MAST2: variants seen among roughly 807,000 people sequenced by gnomAD.
MAST2 encodes microtubule-associated serine/threonine-protein kinase 2.
In MAST2, 70 loss-of-function variants were observed where a neutral mutation model predicts 147.4. The ratio of observed to expected loss-of-function variants is 0.47; its 90% CI spans 0.39 to 0.58. The LOEUF is 0.58. MAST2 is among the 20% of genes least tolerant of loss of function. The probability of loss-of-function intolerance (pLI) is 0.00; values close to 1 mark genes in which losing one functional copy is unlikely to be tolerated. For missense variants in MAST2, 2,080 were observed against 2,302.3 expected, an observed-to-expected ratio of 0.90 and a Z score of 1.98; for synonymous variants, 869 against 896.8, an observed-to-expected ratio of 0.97 and a Z score of 0.55.
chr1:45,957,907 A>G (rs1475292586), intron 4 of MAST2, among the ~76,000 whole-genome samples: 1 of 152,112 alleles, frequency 6.6e-6, no homozygotes, highest in Non-Finnish European at 1.5e-5. Context: ...AAGGGTTGGG[A>G]TTTCGCCAGG....
At position 46,010,952 on chromosome 1, in the gene MAST2, G is replaced by C. The variant is rs1231756225; in HGVS notation, c.1188+13G>C. 3 of 1,609,718 alleles carry C rather than the reference G, an allele frequency of 1.9e-6. No individual in the cohort carries two copies. Among genetic ancestry groups the C allele is most frequent in the Non-Finnish European group, 2.6e-6 (3 of 1,176,356 alleles). On this transcript the variant is annotated intron_variant, in intron 10 of 28. Coordinates refer to ENST00000361297, the MANE Select transcript of MAST2 (RefSeq NM_015112.3). ...ACTTTTACAAGATGTGAGTGTCCTT[G>C]TGCTGGGGTTCTGAAAAAACCTCCA...
intron 5 of MAST2, among the ~76,000 whole-genome samples, chr1:45,977,694 G>T (rs1253883154): frequency 6.6e-6 from 1 of 151,842 alleles, no homozygotes; most frequent in Non-Finnish European, 1.5e-5. Context: ...CAGCTACTCG[G>T]GAGGCTGAGG....
At chr1:45,875,223 A>T (rs368098989) in intron 3 of MAST2, among the ~76,000 whole-genome samples, 1 of 152,210 alleles carries the variant, frequency 6.6e-6, no homozygotes, top group Admixed American at 6.5e-5. Flanking sequence ...AGGTAGGTGG[A>T]TCACCTGGGG....
chr1:45,965,090 G>T (rs1365727255), intron 5 of MAST2, among the ~76,000 whole-genome samples: 6 of 152,136 alleles, frequency 3.9e-5, no homozygotes, highest in African/African-American at 1.4e-4. Context: ...GAGACAGTTT[G>T]TTACAATTTC....
chr1:45,978,990 C>T (rs1040910577), intron 5 of MAST2, among the ~76,000 whole-genome samples: 1 of 152,244 alleles, frequency 6.6e-6, no homozygotes, highest in East Asian at 1.9e-4. Flanking sequence ...AAACTGCACA[C>T]TTAAGGGTAA....
chr1:45,956,760 C>G (rs534113176), intron 4 of MAST2, among the ~76,000 whole-genome samples: 4 of 152,296 alleles, frequency 2.6e-5, no homozygotes, highest in African/African-American at 9.6e-5. Flanking sequence ...GGTGGATACA[C>G]CCATCAGCCA....
At position 45,972,127 on chromosome 1, in the gene MAST2, A is replaced by G. The variant is rs142301084; in HGVS notation, c.592+12650A>G. Among the ~76,000 whole-genome samples the G allele has an allele frequency of 4.3e-3, 661 of 152,342 alleles. 5 individuals are homozygous for G. Among genetic ancestry groups the G allele is most frequent in the African/African-American group, 0.015 (617 of 41,572 alleles). Reference sequence around the variant, plus strand: ...TAAGATCGTAATAATGCCAGCCGTCAGTAGGAGTCCACAGACCTCGGCCCA... The same window carrying G: ...TAAGATCGTAATAATGCCAGCCGTCGGTAGGAGTCCACAGACCTCGGCCCA... On this transcript the variant is annotated intron_variant, in intron 5 of 28. Transcript: ENST00000361297.
intron 4 of MAST2, among the ~76,000 whole-genome samples, chr1:45,899,436 G>A (rs918673913): frequency 1.1e-4 from 17 of 150,170 alleles, no homozygotes; most frequent in African/African-American, 4.9e-5. Flanking sequence ...TACTCAATAG[G>A]TAGTTTTTCT....
chr1:45,836,305 C>T (rs1347984783), intron 3 of MAST2, among the ~76,000 whole-genome samples: 3 of 152,036 alleles, frequency 2.0e-5, no homozygotes, highest in Non-Finnish European at 4.4e-5. Context: ...CAAGTGGTGT[C>T]TTATTGTGGC....
At position 46,033,898 on chromosome 1, in the gene MAST2, C is replaced by T. The variant is rs773481459; in HGVS notation, c.3634C>T (p.Arg1212Ter). The T allele has an allele frequency of 8.7e-6, 14 of 1,613,986 alleles. No individual in the cohort carries two copies. The highest frequency in any genetic ancestry group is 1.3e-5 in the African/African-American group (1 of 74,912). ...GGGCAGCTACAAGGCCAAGATGGCC[C>T]GAAGGAGCAAGAGGAGCCGCGGCAA... Reference protein sequence around the residue: ...RKGSYKAKMARRSKRSRGKDG... With the variant: ...RKGSYKAKMA The change falls in exon 27 of 29, where the codon CGA becomes TGA. Residue 1212 changes from arginine (R) to a stop codon, truncating the protein, a stop_gained. Coordinates refer to ENST00000361297, the MANE Select transcript of MAST2 (RefSeq NM_015112.3). LOFTEE classifies it high-confidence loss of function.
chr1:46,024,616 A>T (rs546256208), intron 15 of MAST2, among the ~76,000 whole-genome samples: 1 of 152,366 alleles, frequency 6.6e-6, no homozygotes, highest in South Asian at 2.1e-4. Flanking sequence ...CTCAGAAACT[A>T]AAAGCCAGTA....
At chr1:46,012,230 T>C (rs568160614) in intron 10 of MAST2, among the ~76,000 whole-genome samples, 14 of 152,232 alleles carry the variant, frequency 9.2e-5, no homozygotes, top group African/African-American at 3.4e-4. Context: ...AAAGGATTAA[T>C]GTAGAGTAAC....
chr1:45,955,735 G>A (rs1419158660), intron 4 of MAST2, among the ~76,000 whole-genome samples: 2 of 152,170 alleles, frequency 1.3e-5, no homozygotes, highest in Non-Finnish European at 2.9e-5. Flanking sequence ...AAGGCGAGGA[G>A]GCCGGTGTGG....
intron 4 of MAST2, among the ~76,000 whole-genome samples, chr1:45,940,002 GAGATGGAGTTTCGCTC>G (rs1656987271): frequency 2.8e-5 from 1 of 35,816 alleles, no homozygotes. Context: ...TTTTTTTTTT[GAGATGGAGTTTCGCTC>G]TTTTGCCCAG....
chr1:46,023,671 CTG>C lies in MAST2; in HGVS notation c.1572-98_1572-97del. ...ATATGCATGCCCTTGCCCCCTTGTTCTGTGCATTAATTAAGGTGTGAGAGAAG... is the reference window on the plus strand; with the variant it reads ...ATATGCATGCCCTTGCCCCCTTGTTCTGCATTAATTAAGGTGTGAGAGAAG... On this transcript the variant is annotated intron_variant, in intron 14 of 28. Coordinates refer to ENST00000361297, the MANE Select transcript of MAST2 (RefSeq NM_015112.3). This position sits in a 1 kb window ranked among gnomAD's most constrained non-coding sequence, Gnocchi z 4.9. The C allele has an allele frequency of 9.4e-7, 1 of 1,065,586 alleles. No individual in the cohort carries two copies. The highest frequency in any genetic ancestry group is 1.5e-5 in the South Asian group (1 of 66,694). The allele number at this position is 1,065,586 out of a possible 1,614,324, so 66.0% of individuals were successfully genotyped here.
intron 3 of MAST2, among the ~76,000 whole-genome samples, chr1:45,872,912 A>G (rs147506497): frequency 9.2e-5 from 14 of 152,324 alleles, no homozygotes; most frequent in African/African-American, 3.4e-4. Flanking sequence ...AATATAGTTT[A>G]ATATCTTTTA....
chr1:45,971,866 G>A (rs1448549614), intron 5 of MAST2, among the ~76,000 whole-genome samples: 1 of 152,136 alleles, frequency 6.6e-6, no homozygotes, highest in Non-Finnish European at 1.5e-5. Context: ...ATAAGTCTTG[G>A]AATAAACTGT....
chr1:46,035,735 C>T lies in MAST2; in HGVS notation c.5066C>T (p.Thr1689Ile), dbSNP rs777745274. 2.8e-5 allele frequency: 45 copies of T among 1,614,068 alleles called. No individual in the cohort carries two copies. The highest frequency in any genetic ancestry group is 3.6e-5 in the Non-Finnish European group (43 of 1,180,030). Reference protein sequence around the residue: ...GLANLQDLENTTPAQPKNLSP... With the variant: ...GLANLQDLENITPAQPKNLSP... ...GCCAACCTCCAGGATTTGGAAAACA[C>T]AACTCCAGCCCAGCCTAAGAACCTG... Residue 1689 changes from threonine (T) to isoleucine (I), a missense_variant, in exon 29 of 29, where the codon ACA becomes ATA. Around this residue, in one of 4 missense-constraint regions of MAST2, gnomAD observed 1,278 missense variants for 1,304.2 expected, o/e 0.98. Coordinates refer to ENST00000361297, the MANE Select transcript of MAST2 (RefSeq NM_015112.3). The surrounding 1 kb of genome is among the most constrained non-coding windows in gnomAD (Gnocchi z 5.5).
chr1:45,993,416 G>A (rs1217628990), intron 5 of MAST2, among the ~76,000 whole-genome samples: 1 of 152,084 alleles, frequency 6.6e-6, no homozygotes, highest in Non-Finnish European at 1.5e-5. Flanking sequence ...GGGAGCAGTG[G>A]CTTTTGCCTA....
Sources: gnomAD v4.1 joint callset for allele counts (sites outside exome capture counted in the v4.1 genomes callset) on GRCh38, gnomAD v4.1.1 for gene constraint, gnomAD v4.1.1 regional missense constraint, Gnocchi (gnomAD v3.1) non-coding constraint, MANE v1.5 for transcripts, NCBI Gene and HGNC (gene_info 2026-07-23, HGNC 2026-07-21) for gene names.